The following DPH6 variants were observed in gnomAD, a reference collection of about 807,000 sequenced individuals.
The protein encoded by DPH6 is diphthine--ammonia ligase.
Under a neutral mutation model 38.2 loss-of-function variants are expected in DPH6, and 33 were observed. The observed-to-expected ratio is 0.86, with a 90% CI of 0.65 to 1.15. The LOEUF (loss-of-function observed/expected upper bound fraction) is 1.15, where lower values mean the gene tolerates loss of function less well. Among genes scored for constraint, DPH6 ranks in the 50% most tolerant of loss-of-function variants. The pLI is 0.00. For missense variants in DPH6, 325 were observed against 320.0 expected, an observed-to-expected ratio of 1.02 and a Z score of -0.12; for synonymous variants, 108 against 103.0, an observed-to-expected ratio of 1.05 and a Z score of -0.30.
At chr15:35,387,097 GA>G (rs1566890655) in intron 6 of DPH6, among the ~76,000 whole-genome samples, 1 of 152,140 alleles carries the variant, frequency 6.6e-6, no homozygotes, top group Non-Finnish European at 1.5e-5. Flanking sequence ...ATTAAATAGG[GA>G]ATCCTTTCCC....
chr15:35,360,481 A>C (rs1000481641), intron 3 of DPH6, among the ~76,000 whole-genome samples: 2 of 152,156 alleles, frequency 1.3e-5, no homozygotes, highest in Non-Finnish European at 2.9e-5. Flanking sequence ...TAGATGGGGG[A>C]TAGAGTCAAG....
At chr15:35,408,609 A>T (rs2053325770) in intron 6 of DPH6, among the ~76,000 whole-genome samples, 3 of 152,166 alleles carry the variant, frequency 2.0e-5, no homozygotes, top group Admixed American at 2.0e-4. Context: ...TGGAGCCTAA[A>T]CTAGGAGTCA....
intron 3 of DPH6, among the ~76,000 whole-genome samples, chr15:35,468,758 A>T (rs1343192929): frequency 1.3e-5 from 2 of 152,262 alleles, no homozygotes; most frequent in East Asian, 3.9e-4. Context: ...GACAGTTAGC[A>T]GGAGATGAGA....
intron 3 of DPH6, chr15:35,522,381 T>C: frequency 8.5e-7 from 1 of 1,173,706 alleles, no homozygotes; most frequent in Admixed American, 2.5e-5. Flanking sequence ...TCAGGCTGTC[T>C]CTGCTTATTC....
At chr15:35,237,779 G>T in intron 3 of DPH6, 15 of 1,606,890 alleles carry the variant, frequency 9.3e-6, no homozygotes, top group Non-Finnish European at 1.3e-5. Flanking sequence ...TGACCGGGAC[G>T]ACAAGGAGGC....
intron 6 of DPH6, chr15:35,401,506 A>C: frequency 1.3e-6 from 1 of 769,878 alleles, no homozygotes; most frequent in South Asian, 1.3e-5. Flanking sequence ...CAGGAGTGAC[A>C]GCTATGACAG....
At chr15:35,474,629 G>A (rs1274810550) in intron 3 of DPH6, among the ~76,000 whole-genome samples, 1 of 152,044 alleles carries the variant, frequency 6.6e-6, no homozygotes, top group Admixed American at 6.6e-5. Flanking sequence ...CTGACCAACA[G>A]CATGTCTTTC....
chr15:35,427,991 A>G (rs2053590140), intron 5 of DPH6, among the ~76,000 whole-genome samples: 2 of 152,040 alleles, frequency 1.3e-5, no homozygotes, highest in African/African-American at 2.4e-5. Flanking sequence ...AAGAATATGG[A>G]AGGGAAGATG....
the DPH6 span, among the ~76,000 whole-genome samples, chr15:35,165,573 T>C: frequency 1.3e-5 from 2 of 151,892 alleles, no homozygotes; most frequent in Non-Finnish European, 2.9e-5. Flanking sequence ...TTGTAGATAC[T>C]GTGTGAAATT....
intron 7 of DPH6, among the ~76,000 whole-genome samples, chr15:35,376,952 C>T (rs145834700): frequency 8.3e-4 from 127 of 152,240 alleles, no homozygotes; most frequent in African/African-American, 2.9e-3. Flanking sequence ...CATGACTGTA[C>T]ACACTTTCTC....
intron 5 of DPH6, among the ~76,000 whole-genome samples, chr15:35,449,738 T>G (rs2053907351): frequency 6.6e-6 from 1 of 152,120 alleles, no homozygotes; most frequent in South Asian, 2.1e-4. Flanking sequence ...GGAGATCAAC[T>G]ACAGATTCAC....
At chr15:35,177,405 C>A in the DPH6 span, among the ~76,000 whole-genome samples, 8 of 149,622 alleles carry the variant, frequency 5.3e-5, no homozygotes, top group East Asian at 1.2e-3. Context: ...TGAGACCCCA[C>A]CTCTCTACAA....
At chr15:35,156,116 T>G in the DPH6 span, among the ~76,000 whole-genome samples, 2 of 138,414 alleles carry the variant, frequency 1.4e-5, no homozygotes. Context: ...AGGAAAACCA[T>G]AATACATTTT....
intron 3 of DPH6, among the ~76,000 whole-genome samples, chr15:35,245,447 C>T (rs941303256): frequency 6.6e-6 from 1 of 152,022 alleles, no homozygotes; most frequent in Non-Finnish European, 1.5e-5. Context: ...ACTGTGTTAG[C>T]CAGGATGGTC....
chr15:35,391,431 C>G (rs62002898), intron 6 of DPH6, among the ~76,000 whole-genome samples: 1 of 151,998 alleles, frequency 6.6e-6, no homozygotes. Flanking sequence ...CTGTGCCCTG[C>G]CCCCAGAGGT....
At chr15:35,187,577 G>A in the DPH6 span, among the ~76,000 whole-genome samples, 3 of 152,108 alleles carry the variant, frequency 2.0e-5, no homozygotes, top group African/African-American at 7.2e-5. Context: ...CTTTTATTAT[G>A]ATGATTTTTG....
At chr15:35,317,456 G>GGAAA (rs145169289) in intron 3 of DPH6, among the ~76,000 whole-genome samples, 4,368 of 149,746 alleles carry the variant, frequency 0.029, 196 homozygotes, top group African/African-American at 0.1. Context: ...AGAAAAAGAA[G>GGAAA]GAAAGAAAGA....
chr15:35,448,465 C>T (rs933490462), intron 5 of DPH6, among the ~76,000 whole-genome samples: 1 of 152,140 alleles, frequency 6.6e-6, no homozygotes. Flanking sequence ...TGTGAAATAT[C>T]ATGAACTCAT....
chr15:35,223,147 T>G (rs543062190), intron 3 of DPH6, among the ~76,000 whole-genome samples: 1 of 152,270 alleles, frequency 6.6e-6, no homozygotes, highest in East Asian at 1.9e-4. Context: ...GTTTACAGTT[T>G]TGGAGGCTGG....
Sources: allele counts gnomAD v4.1 joint callset (sites outside exome capture counted in the v4.1 genomes callset), GRCh38; gene constraint gnomAD v4.1.1; transcripts MANE v1.5; gene names NCBI Gene and HGNC (gene_info 2026-07-23, HGNC 2026-07-21).